Variants in ARHGAP11A observed in about 807,000 individuals in gnomAD.
ARHGAP11A encodes rho GTPase-activating protein 11A.
Under a neutral mutation model 60.5 loss-of-function variants are expected in ARHGAP11A, and 36 were observed. That is an observed-to-expected ratio of 0.59 (90% confidence interval 0.46 to 0.79). The LOEUF (loss-of-function observed/expected upper bound fraction) is 0.79, where lower values mean the gene tolerates loss of function less well. Among genes scored for constraint, ARHGAP11A ranks in the 30% least tolerant of loss-of-function variants. The pLI is 0.00. For synonymous variants in ARHGAP11A, 362 were observed against 415.5 expected (o/e 0.87, Z 1.57); for missense variants, 1,071 against 1,199.2 (o/e 0.89, Z 1.58).
chr15:32,634,928 G>A (rs2053671343), intron 10 of ARHGAP11A, among the ~76,000 whole-genome samples: 1 of 152,088 alleles, frequency 6.6e-6, no homozygotes, highest in African/African-American at 2.4e-5. Context: ...CTCTCAGCTG[G>A]ATTACTCTAG....
At position 32,639,030 on chromosome 15, in the gene ARHGAP11A, ACT is replaced by A. The variant is rs1409962726; in HGVS notation, c.*1190_*1191del. ...TTATTTAGCATAGACATTAAAGATAACTCTCTGGAAAATGACTTGACTAAGGC... is the reference window on the plus strand; with the variant it reads ...TTATTTAGCATAGACATTAAAGATAACTCTGGAAAATGACTTGACTAAGGC... On this transcript the variant is annotated 3_prime_UTR_variant, in exon 12 of 12. Transcript: ENST00000361627. The A allele has an allele frequency of 1.3e-5, 2 of 152,644 alleles. No homozygotes were observed. The highest frequency in any genetic ancestry group is 2.1e-4 in the South Asian group (1 of 4,828). The allele number at this position is 152,644 out of a possible 1,614,324, so 9.5% of individuals were successfully genotyped here.
At chr15:32,636,048 A>T (rs1227217605) in intron 11 of ARHGAP11A, 133 bp downstream of exon 11, 2 of 1,380,528 alleles carry the variant, frequency 1.4e-6, no homozygotes, top group Admixed American at 6.8e-5. Context: ...AAATATTAGA[A>T]TTGGCAATGT....
chr15:32,634,674 T>C (rs748154224), intron 10 of ARHGAP11A, among the ~76,000 whole-genome samples: 3 of 152,250 alleles, frequency 2.0e-5, no homozygotes, highest in Non-Finnish European at 2.9e-5. Context: ...TGGATTTCTT[T>C]GCTGCTGCTA....
chr15:32,620,163 A>G lies in ARHGAP11A; in HGVS notation c.185A>G (p.Tyr62Cys), dbSNP rs775003432. 112 of 1,611,224 alleles carry G rather than the reference A, an allele frequency of 7.0e-5. No individual in the cohort carries two copies. Among genetic ancestry groups the G allele is most frequent in the Non-Finnish European group, 8.1e-5 (96 of 1,178,814 alleles). Residue 62 changes from tyrosine (Y) to cysteine (C), a missense_variant, in exon 2 of 12, where the codon TAT becomes TGT. Transcript: ENST00000361627. Reference sequence around the variant, plus strand: ...CTGCCCCATTCTGCTGTACCAGAATATGGACACATTCCAAGGTAAGCAGAG... The same window carrying G: ...CTGCCCCATTCTGCTGTACCAGAATGTGGACACATTCCAAGGTAAGCAGAG... ...NALPHSAVPE[Y>C]GHIPSFLVDA...
intron 2 of ARHGAP11A, 120 bp from the exon 3 acceptor site, chr15:32,623,372 C>T (rs532154936): frequency 5.9e-4 from 489 of 828,542 alleles, no homozygotes; most frequent in Non-Finnish European, 8.1e-4. Flanking sequence ...TCAAAGACTA[C>T]AGAGATTTGT....
intron 8 of ARHGAP11A, among the ~76,000 whole-genome samples, chr15:32,630,683 C>T (rs961239072): frequency 4.0e-5 from 6 of 151,834 alleles, no homozygotes; most frequent in East Asian, 1.9e-4. Context: ...CAAAAGGGTT[C>T]TTATTTGTTT....
intron 6 of ARHGAP11A, among the ~76,000 whole-genome samples, chr15:32,627,526 G>A (rs1335813149): frequency 6.6e-6 from 1 of 151,900 alleles, no homozygotes; most frequent in Non-Finnish European, 1.5e-5. Flanking sequence ...TCAGGAGATC[G>A]AGACCATCCT....
At position 32,625,082 on chromosome 15, in the gene ARHGAP11A, C is replaced by T. The variant is rs2140454739; in HGVS notation, c.554C>T (p.Ser185Phe). Reference protein sequence around the residue: ...FNFLRNVSLRSSENKMDSSNL... With the variant: ...FNFLRNVSLRFSENKMDSSNL... ...AATAAAGCGTTTATTCACTTAAGAT[C>T]CAGTGAGAATAAGATGGACAGCAGC... is the stretch of plus-strand genomic sequence containing the variant. Residue 185 changes from serine (S) to phenylalanine (F), a missense_variant and splice_region_variant, in exon 5 of 12, where the codon TCC becomes TTC. This residue lies in a region of ARHGAP11A where 196 missense variants were observed against 272.1 expected (regional missense o/e 0.72). Coordinates refer to ENST00000361627, the MANE Select transcript of ARHGAP11A (RefSeq NM_014783.6). 6.2e-7 allele frequency: 1 copy of T among 1,613,734 alleles called. No individual in the cohort carries two copies. Among genetic ancestry groups the T allele is most frequent in the Middle Eastern group, 1.7e-4 (1 of 6,056 alleles).
chr15:32,628,318 A>G, intron 6 of ARHGAP11A, among the ~76,000 whole-genome samples: 1 of 152,212 alleles, frequency 6.6e-6, no homozygotes, highest in Non-Finnish European at 1.5e-5. Flanking sequence ...TCATTTGCTT[A>G]CACTATTTAT....
At position 32,633,933 on chromosome 15, in the gene ARHGAP11A, A is replaced by G; in HGVS notation, c.1236A>G (p.Arg412=). The change falls in exon 10 of 12, where the codon AGA becomes AGG. Residue 412 remains arginine (R), a splice_region_variant and synonymous_variant. Transcript: ENST00000361627. ...ACATTTTTAATTCCACTTCTTCTAGAGTGGAATCAGGAAAAGCAGGCTGCT... is the reference window on the plus strand; with the variant it reads ...ACATTTTTAATTCCACTTCTTCTAGGGTGGAATCAGGAAAAGCAGGCTGCT... The part of the protein sequence containing the change: ...SKRIAGKKVC[R]VESGKAGCFS... The G allele has an allele frequency of 6.3e-7, 1 of 1,585,590 alleles. No individual in the cohort carries two copies. Among genetic ancestry groups the G allele is most frequent in the Non-Finnish European group, 8.6e-7 (1 of 1,166,818 alleles).
rs768645104 is a variant in ARHGAP11A, at chr15:32,633,923, C to G, written c.1236-10C>G. ...CTATAAACTGACATTTTTAATTCCA[C>G]TTCTTCTAGAGTGGAATCAGGAAAA... On this transcript the variant is annotated splice_polypyrimidine_tract_variant and intron_variant, in intron 9 of 11. Transcript: ENST00000361627. 6.4e-7 allele frequency: 1 copy of G among 1,559,476 alleles called. No homozygotes were observed. The highest frequency in any genetic ancestry group is 1.4e-5 in the African/African-American group (1 of 72,350).
rs763168810 is a variant in ARHGAP11A at position 32,636,475 on chromosome 15, C to G, written c.1702C>G (p.Pro568Ala). Residue 568 changes from proline to alanine, a missense_variant, in exon 12 of 12, where the codon CCT (proline) becomes GCT (alanine). By Grantham distance (27) the Pro-to-Ala change is conservative (BLOSUM62 -1). Coordinates refer to ENST00000361627, the MANE Select transcript of ARHGAP11A (RefSeq NM_014783.6). ...KSPATSCELTPSNLNNKHNSN... is the reference protein window; with the variant it reads ...KSPATSCELTASNLNNKHNSN... ...ACCTGCTACTTCATGTGAACTCACC[C>G]CTTCCAATTTAAACAATAAGCATAA... 2 of 1,613,822 alleles carry G rather than the reference C, an allele frequency of 1.2e-6. No individual in the cohort carries two copies. The highest frequency in any genetic ancestry group is 1.7e-6 in the Non-Finnish European group (2 of 1,179,874).
chr15:32,637,123 A>G lies in ARHGAP11A; in HGVS notation c.2350A>G (p.Lys784Glu), dbSNP rs1362483071. 6.2e-6 allele frequency: 10 copies of G among 1,613,976 alleles called. No homozygotes were observed. The highest frequency in any genetic ancestry group is 1.7e-5 in the Admixed American group (1 of 60,012). Residue 784 changes from lysine to glutamate, a missense_variant, in exon 12 of 12, where the codon AAA becomes GAA. Lys to Glu is a moderately conservative substitution (Grantham distance 56). This residue lies in a region of ARHGAP11A where 776 missense variants were observed against 760.2 expected (regional missense o/e 1.02). Coordinates refer to ENST00000361627, the MANE Select transcript of ARHGAP11A (RefSeq NM_014783.6). The part of the protein sequence containing the change: ...LSKPRPMRIA[K>E]QQSLETCEKT... ...AAAACCTAGGCCTATGAGAATTGCT[A>G]AACAGCAGTCATTGGAAACATGTGA...
At position 32,636,820 on chromosome 15, in the gene ARHGAP11A, A is replaced by C; in HGVS notation, c.2047A>C (p.Asn683His). 6.2e-7 allele frequency: 1 copy of C among 1,607,862 alleles called. No individual in the cohort carries two copies. Among genetic ancestry groups the C allele is most frequent in the East Asian group, 2.2e-5 (1 of 44,844 alleles). The change falls in exon 12 of 12, where the codon AAT (asparagine) becomes CAT (histidine). Residue 683 changes from asparagine (N) to histidine (H), a missense_variant. Transcript: ENST00000361627. ...TTCACCCCTTCAAACTCAAACATTT[A>C]ATAGAGAAACAACTATAAAATGTTA... ...DFSPLQTQTFNRETTIKCYST... is the reference protein window; with the variant it reads ...DFSPLQTQTFHRETTIKCYST...
chr15:32,636,780 T>C lies in ARHGAP11A; in HGVS notation c.2007T>C (p.Phe669=). The C allele has an allele frequency of 6.2e-7, 1 of 1,611,674 alleles. No homozygotes were observed. The highest frequency in any genetic ancestry group is 8.5e-7 in the Non-Finnish European group (1 of 1,179,492). Residue 669 remains phenylalanine (F), a synonymous_variant, in exon 12 of 12, where the codon TTT becomes TTC. Coordinates refer to ENST00000361627, the MANE Select transcript of ARHGAP11A (RefSeq NM_014783.6). The part of the protein sequence containing the change: ...EHHTGKGEKC[F]SERDFSPLQT... Reference sequence around the variant, plus strand: ...ACACTGGTAAAGGTGAAAAATGTTTTTCAGAGAGGGACTTTTCACCCCTTC... The same window carrying C: ...ACACTGGTAAAGGTGAAAAATGTTTCTCAGAGAGGGACTTTTCACCCCTTC...
chr15:32,637,395 G>A lies in ARHGAP11A; in HGVS notation c.2622G>A (p.Val874=), dbSNP rs767249050. Reference sequence around the variant, plus strand: ...CAGCTTCTCCTTTGGTCAAATCAGTGAGCTGTGACGGTGCTCTTTCCTCTT... The same window carrying A: ...CAGCTTCTCCTTTGGTCAAATCAGTAAGCTGTGACGGTGCTCTTTCCTCTT... ...GDTASPLVKS[V]SCDGALSSCI... Residue 874 remains valine, a synonymous_variant, in exon 12 of 12, where the codon GTG becomes GTA. Transcript: ENST00000361627. The A allele has an allele frequency of 7.4e-6, 12 of 1,614,028 alleles. No individual in the cohort carries two copies. In the African/African-American group the frequency reaches 1.3e-4, roughly 18 times the overall value.
chr15:32,636,666 A>C lies in ARHGAP11A; in HGVS notation c.1893A>C (p.Glu631Asp). The C allele has an allele frequency of 6.2e-7, 1 of 1,613,890 alleles. No homozygotes were observed. Among genetic ancestry groups the C allele is most frequent in the Non-Finnish European group, 8.5e-7 (1 of 1,179,938 alleles). ...ATGTGGGGAAAGTAAAATTAACTGA[A>C]CCATCTTATTTAGAAGATAGCCCAG... ...VTNVGKVKLT[E>D]PSYLEDSPEE... Residue 631 changes from glutamate to aspartate, a missense_variant, in exon 12 of 12, where the codon GAA becomes GAC. By Grantham distance (45) the Glu-to-Asp change is conservative. Coordinates refer to ENST00000361627, the MANE Select transcript of ARHGAP11A (RefSeq NM_014783.6).
At chr15:32,616,522 A>G (rs2053153515) in intron 1 of ARHGAP11A, among the ~76,000 whole-genome samples, 182 bp downstream of exon 1, 2 of 152,102 alleles carry the variant, frequency 1.3e-5, no homozygotes, top group African/African-American at 4.8e-5. Flanking sequence ...TTTTCCCCCA[A>G]GGATTTTTGA....
chr15:32,636,366 A>G lies in ARHGAP11A; in HGVS notation c.1593A>G (p.Glu531=). 1 of 1,614,146 alleles carries G rather than the reference A, an allele frequency of 6.2e-7. No homozygotes were observed. The change falls in exon 12 of 12, where the codon GAA becomes GAG. Residue 531 remains glutamate, a synonymous_variant. Coordinates refer to ENST00000361627, the MANE Select transcript of ARHGAP11A (RefSeq NM_014783.6). ...WTGPNNSSFQ[E]VDANEASSMV... ...GACCTAATAATTCAAGTTTTCAAGA[A>G]GTAGATGCAAATGAAGCTTCTTCAA...
Sources: allele counts gnomAD v4.1 joint callset (sites outside exome capture counted in the v4.1 genomes callset), GRCh38; gene constraint gnomAD v4.1.1; regional missense constraint gnomAD v4.1.1; transcripts MANE v1.5; gene names NCBI Gene and HGNC (gene_info 2026-07-23, HGNC 2026-07-21).